Variants in DTNA observed in about 807,000 individuals in gnomAD.
DTNA encodes the protein dystrophin-related protein 3.
A neutral mutation model predicts 100.7 loss-of-function variants in DTNA; 43 were observed. The observed-to-expected ratio is 0.43, with a 90% CI of 0.33 to 0.55. DTNA has a LOEUF of 0.55. Ranked by LOEUF, DTNA falls within the 20% of genes least tolerant of loss-of-function variation. The pLI, the probability that DTNA is intolerant of heterozygous loss-of-function variation, is 0.04. For synonymous variants in DTNA, 349 were observed against 347.9 expected (o/e 1.00, Z -0.04); for missense variants, 798 against 953.9 (o/e 0.84, Z 2.15).
At chr18:34,515,008 T>A (rs2041460953) in intron 1 of DTNA, among the ~76,000 whole-genome samples, 1 of 151,806 alleles carries the variant, frequency 6.6e-6, no homozygotes, top group Non-Finnish European at 1.5e-5. Context: ...GTAGACTGAG[T>A]TTTTGGGTTG....
At chr18:34,751,380 A>G (rs913604437) in intron 1 of DTNA, among the ~76,000 whole-genome samples, 1 of 152,150 alleles carries the variant, frequency 6.6e-6, no homozygotes, top group Non-Finnish European at 1.5e-5. Context: ...TCCACTCACC[A>G]TGCTGGAGTT....
At chr18:34,674,345 A>C (rs2145206908) in intron 1 of DTNA, among the ~76,000 whole-genome samples, 1 of 152,378 alleles carries the variant, frequency 6.6e-6, no homozygotes, top group South Asian at 2.1e-4. Context: ...AAGACATCCA[A>C]GACCTTCCTG....
Position 34,829,509 on chromosome 18 carries a change from AT to A in DTNA, c.1175+22del. The A allele has an allele frequency of 6.7e-7, 1 of 1,498,984 alleles. No homozygotes were observed. The highest frequency in any genetic ancestry group is 8.9e-7 in the Non-Finnish European group (1 of 1,122,904). The allele number at this position is 1,498,984 out of a possible 1,614,324, so 92.9% of individuals were successfully genotyped here. ...TGCACGGTCAGTATCCCAGCCCTGA[AT>A]TGCTAATCGTAGTAGTAGTTCCATA... On this transcript the variant is annotated intron_variant, in intron 11 of 22. Coordinates refer to ENST00000444659, the MANE Select transcript of DTNA (RefSeq NM_001386795.1).
chr18:34,834,734 A>T (rs1463789527), intron 11 of DTNA, among the ~76,000 whole-genome samples: 1 of 152,138 alleles, frequency 6.6e-6, no homozygotes, highest in Non-Finnish European at 1.5e-5. Flanking sequence ...GTGAGACCTC[A>T]CTCATTGCTG....
chr18:34,727,282 T>C (rs958847119), intron 1 of DTNA, among the ~76,000 whole-genome samples: 4 of 152,366 alleles, frequency 2.6e-5, no homozygotes, highest in South Asian at 2.1e-4. Context: ...AAGGCCTTTT[T>C]CCCATTGTCT....
chr18:34,506,888 CCTT>C (rs1386839027), intron 1 of DTNA, among the ~76,000 whole-genome samples: 3 of 152,088 alleles, frequency 2.0e-5, no homozygotes, highest in Admixed American at 6.5e-5. Context: ...TGCTTTTTCT[CCTT>C]CTTCACAGAA....
At chr18:34,532,825 G>C (rs533315394) in intron 1 of DTNA, among the ~76,000 whole-genome samples, 2 of 151,800 alleles carry the variant, frequency 1.3e-5, no homozygotes, top group South Asian at 4.2e-4. Flanking sequence ...AAGCCATGTG[G>C]TCAGGGTTGT....
At chr18:34,857,600 T>C (rs2096568484) in intron 15 of DTNA, among the ~76,000 whole-genome samples, 1 of 151,890 alleles carries the variant, frequency 6.6e-6, no homozygotes, top group African/African-American at 2.4e-5. Context: ...CCGACAGAGG[T>C]CACACCAATA....
intron 1 of DTNA, among the ~76,000 whole-genome samples, chr18:34,688,571 A>G (rs2079255232): frequency 6.6e-6 from 1 of 152,116 alleles, no homozygotes; most frequent in Non-Finnish European, 1.5e-5. Context: ...GGCTGCCCTT[A>G]ACATTTTTTC....
intron 1 of DTNA, among the ~76,000 whole-genome samples, chr18:34,751,131 G>A (rs1244492104): frequency 6.6e-6 from 1 of 152,164 alleles, no homozygotes; most frequent in Non-Finnish European, 1.5e-5. Context: ...TAATGCCATG[G>A]GGCCAAAAGA....
At chr18:34,564,292 G>A (rs567056398) in intron 1 of DTNA, among the ~76,000 whole-genome samples, 20 of 152,190 alleles carry the variant, frequency 1.3e-4, no homozygotes, top group East Asian at 9.7e-4. Flanking sequence ...ACAGGCACGC[G>A]CCACTACGTC....
chr18:34,615,948 A>G (rs1326572669), intron 1 of DTNA, among the ~76,000 whole-genome samples: 1 of 152,180 alleles, frequency 6.6e-6, no homozygotes, highest in Non-Finnish European at 1.5e-5. Context: ...ATAGTATTCC[A>G]TAGAGTATAT....
chr18:34,813,205 G>T (rs2095520205), intron 6 of DTNA, among the ~76,000 whole-genome samples: 1 of 152,140 alleles, frequency 6.6e-6, no homozygotes, highest in Admixed American at 6.5e-5. Flanking sequence ...ACTGGGTGTG[G>T]TGGCTCACTC....
chr18:34,646,139 A>G (rs1349496660), intron 1 of DTNA, among the ~76,000 whole-genome samples: 1 of 152,202 alleles, frequency 6.6e-6, no homozygotes, highest in East Asian at 1.9e-4. Context: ...ATATTTTAAA[A>G]GGTCATCTTG....
chr18:34,818,669 G>T, intron 8 of DTNA: 1 of 1,122,028 alleles, frequency 8.9e-7, no homozygotes, highest in Non-Finnish European at 1.1e-6. Context: ...TCTTTTCCAA[G>T]TTTTGTTTTG....
At chr18:34,731,778 A>G (rs368997760) in intron 1 of DTNA, among the ~76,000 whole-genome samples, 1 of 152,222 alleles carries the variant, frequency 6.6e-6, no homozygotes, top group African/African-American at 2.4e-5. Context: ...TGCCTGGCCC[A>G]CATATTTAAC....
At chr18:34,611,167 C>G (rs1016978463) in intron 1 of DTNA, among the ~76,000 whole-genome samples, 1 of 152,096 alleles carries the variant, frequency 6.6e-6, no homozygotes, top group South Asian at 2.1e-4. Flanking sequence ...TAGATCTAAA[C>G]TCCCACAAAA....
At chr18:34,631,169 G>T (rs530364502) in intron 1 of DTNA, among the ~76,000 whole-genome samples, 1 of 152,126 alleles carries the variant, frequency 6.6e-6, no homozygotes, top group Non-Finnish European at 1.5e-5. Context: ...CACACGTAGC[G>T]CTTGGGTTCA....
intron 2 of DTNA, among the ~76,000 whole-genome samples, chr18:34,763,448 A>G: frequency 6.6e-6 from 1 of 152,220 alleles, no homozygotes. Context: ...CCAGATAAAT[A>G]TGACGTCCTA....
Sources: allele counts gnomAD v4.1 joint callset (sites outside exome capture counted in the v4.1 genomes callset), GRCh38; gene constraint gnomAD v4.1.1; transcripts MANE v1.5; gene names NCBI Gene and HGNC (gene_info 2026-07-23, HGNC 2026-07-21).